CNTN4: variants seen among roughly 807,000 people sequenced by gnomAD.
CNTN4 encodes contactin 4, also known as contactin-4.
CNTN4 carries 77 observed loss-of-function variants against 122.5 expected under a neutral mutation model. The ratio of observed to expected loss-of-function variants is 0.63; its 90% CI spans 0.52 to 0.76. CNTN4 has a LOEUF of 0.76. Ranked by LOEUF, CNTN4 falls within the 30% of genes least tolerant of loss-of-function variation. The pLI is 0.00. For missense variants in CNTN4, 1,256 were observed against 1,259.1 expected (o/e 1.00, Z 0.04); for synonymous variants, 512 against 447.0 (o/e 1.15, Z -1.83).
chr3:2,885,685 A>C (rs2093966179), intron 9 of CNTN4, among the ~76,000 whole-genome samples: 1 of 152,238 alleles, frequency 6.6e-6, no homozygotes, highest in Admixed American at 6.5e-5. Context: ...CTTAGAGGGA[A>C]CACCAGAATT....
At chr3:3,042,831 C>A in intron 21 of CNTN4, 146 bp from the exon 22 acceptor site, 1 of 707,130 alleles carries the variant, frequency 1.4e-6, no homozygotes, top group Non-Finnish European at 2.5e-6. Context: ...TCAGGATATA[C>A]AGAGTCCTTT....
chr3:2,966,237 T>A (rs150335465), intron 13 of CNTN4, among the ~76,000 whole-genome samples: 109 of 152,298 alleles, frequency 7.2e-4, no homozygotes, highest in Middle Eastern at 3.4e-3. Flanking sequence ...TTCAGTTAAC[T>A]TTATTTTTTT....
chr3:2,383,182 C>T (rs1010854659), intron 3 of CNTN4, among the ~76,000 whole-genome samples: 4 of 152,008 alleles, frequency 2.6e-5, no homozygotes, highest in Admixed American at 2.6e-4. Flanking sequence ...TGTAGTATTT[C>T]CCAGACTTAT....
chr3:2,180,392 A>C (rs2036962610), intron 2 of CNTN4, among the ~76,000 whole-genome samples: 1 of 152,046 alleles, frequency 6.6e-6, no homozygotes, highest in African/African-American at 2.4e-5. Flanking sequence ...TATCAATAGT[A>C]GAATAGTAGA....
chr3:2,247,415 G>C (rs1353290662), intron 2 of CNTN4, among the ~76,000 whole-genome samples: 1 of 152,026 alleles, frequency 6.6e-6, no homozygotes, highest in Non-Finnish European at 1.5e-5. Context: ...CTGTCATCTA[G>C]TTAAATATGG....
At chr3:2,283,525 G>A (rs2041799629) in intron 2 of CNTN4, among the ~76,000 whole-genome samples, 1 of 152,070 alleles carries the variant, frequency 6.6e-6, no homozygotes, top group South Asian at 2.1e-4. Context: ...AATGGGAACT[G>A]GGGTATAGAA....
At chr3:2,293,082 C>T (rs1170204285) in intron 2 of CNTN4, among the ~76,000 whole-genome samples, 1 of 151,922 alleles carries the variant, frequency 6.6e-6, no homozygotes, top group Admixed American at 6.6e-5. Context: ...TTGACCTTCA[C>T]GATTCTTGTG....
At chr3:2,108,602 A>G (rs1260846191) in intron 2 of CNTN4, among the ~76,000 whole-genome samples, 1 of 152,118 alleles carries the variant, frequency 6.6e-6, no homozygotes. Context: ...ATTCTTACCA[A>G]TCCTAGATCC....
intron 3 of CNTN4, among the ~76,000 whole-genome samples, chr3:2,478,134 C>T (rs550359857): frequency 3.3e-5 from 5 of 152,210 alleles, no homozygotes; most frequent in South Asian, 4.1e-4. Flanking sequence ...ATAGATGATG[C>T]GTTGACTTGA....
chr3:2,568,259 C>CT (rs1334377715), intron 3 of CNTN4, among the ~76,000 whole-genome samples: 2 of 132,368 alleles, frequency 1.5e-5, no homozygotes, highest in East Asian at 5.2e-4. Flanking sequence ...TTCAGTGTCA[C>CT]TGTTAGTATG....
chr3:3,000,163 T>C (rs910867483), intron 14 of CNTN4, among the ~76,000 whole-genome samples: 3 of 151,962 alleles, frequency 2.0e-5, no homozygotes, highest in Non-Finnish European at 4.4e-5. Flanking sequence ...CATTTATGAG[T>C]CTACAATATA....
At chr3:2,272,726 C>T (rs2320385) in intron 2 of CNTN4, among the ~76,000 whole-genome samples, 82,316 of 151,788 alleles carry the variant, frequency 0.54, 22,880 homozygotes, top group South Asian at 0.68. Context: ...GTATGATTAT[C>T]GTGATTATTG....
intron 3 of CNTN4, among the ~76,000 whole-genome samples, chr3:2,455,726 G>T (rs922642361): frequency 2.3e-4 from 35 of 152,206 alleles, no homozygotes; most frequent in Middle Eastern, 3.4e-3. Flanking sequence ...TCTTCGGGTA[G>T]TCATTCCTGA....
chr3:2,959,678 T>TC (rs2094834083), intron 13 of CNTN4, among the ~76,000 whole-genome samples: 1 of 133,054 alleles, frequency 7.5e-6, no homozygotes, highest in South Asian at 2.6e-4. Context: ...GACTGATTTT[T>TC]CAAAAAAAAA....
chr3:2,341,097 C>A (rs2044195018), intron 3 of CNTN4, among the ~76,000 whole-genome samples: 1 of 152,098 alleles, frequency 6.6e-6, no homozygotes, highest in East Asian at 1.9e-4. Context: ...GCTGTGTTTT[C>A]CCTTGCTTTT....
chr3:2,278,906 T>A (rs898520846), intron 2 of CNTN4, among the ~76,000 whole-genome samples: 1 of 151,932 alleles, frequency 6.6e-6, no homozygotes, highest in Non-Finnish European at 1.5e-5. Flanking sequence ...TTATCTTTAG[T>A]TATTATTATA....
chr3:2,817,186 G>T (rs963039940), intron 6 of CNTN4, among the ~76,000 whole-genome samples: 1 of 152,180 alleles, frequency 6.6e-6, no homozygotes, highest in African/African-American at 2.4e-5. Flanking sequence ...CAATGTTTGG[G>T]ATATGCTTTG....
chr3:2,808,138 C>T (rs2092513879), intron 6 of CNTN4, among the ~76,000 whole-genome samples: 2 of 152,134 alleles, frequency 1.3e-5, no homozygotes, highest in African/African-American at 2.4e-5. Flanking sequence ...ATTTCTTTCA[C>T]TTTGAAGCAG....
intron 3 of CNTN4, among the ~76,000 whole-genome samples, chr3:2,552,019 A>T (rs553704371): frequency 2.6e-5 from 4 of 152,142 alleles, no homozygotes; most frequent in Non-Finnish European, 5.9e-5. Flanking sequence ...TGAAAACAAA[A>T]CTATTTGTCT....
Sources: gnomAD v4.1 joint callset for allele counts (sites outside exome capture counted in the v4.1 genomes callset) on GRCh38, gnomAD v4.1.1 for gene constraint, MANE v1.5 for transcripts, NCBI Gene and HGNC (gene_info 2026-07-23, HGNC 2026-07-21) for gene names.